The following SRBD1 variants were observed in gnomAD, a reference collection of about 807,000 sequenced individuals.
The protein encoded by SRBD1 is S1 RNA-binding domain-containing protein 1.
In SRBD1, 88 loss-of-function variants were observed where a neutral mutation model predicts 115.3. The ratio of observed to expected loss-of-function variants is 0.76; its 90% CI spans 0.64 to 0.91. The LOEUF (loss-of-function observed/expected upper bound fraction) is 0.91. Ranked by LOEUF, SRBD1 falls within the 40% of genes least tolerant of loss-of-function variation. The probability of loss-of-function intolerance (pLI) is 0.00; values close to 1 mark genes in which losing one functional copy is unlikely to be tolerated. For synonymous variants in SRBD1, 509 were observed against 407.7 expected (o/e 1.25, Z -2.99); for missense variants, 1,385 against 1,177.4 (o/e 1.18, Z -2.58).
At chr2:45,556,746 A>G (rs1160402833) in intron 10 of SRBD1, among the ~76,000 whole-genome samples, 1 of 152,080 alleles carries the variant, frequency 6.6e-6, no homozygotes, top group Non-Finnish European at 1.5e-5. Flanking sequence ...TATAGGCGTG[A>G]CCCACCATGT....
At chr2:45,465,038 C>CAT (rs1328040978) in intron 16 of SRBD1, among the ~76,000 whole-genome samples, 1 of 135,084 alleles carries the variant, frequency 7.4e-6, no homozygotes, top group Admixed American at 7.5e-5. Flanking sequence ...CACACACACA[C>CAT]ACACACACAC....
chr2:45,510,101 A>T (rs1670921619), intron 14 of SRBD1, among the ~76,000 whole-genome samples: 1 of 152,224 alleles, frequency 6.6e-6, no homozygotes, highest in Non-Finnish European at 1.5e-5. Context: ...AAATACTTGG[A>T]GAAACACAGA....
chr2:45,407,917 C>A (rs1006422732), intron 19 of SRBD1, among the ~76,000 whole-genome samples: 1 of 151,982 alleles, frequency 6.6e-6, no homozygotes, highest in Non-Finnish European at 1.5e-5. Context: ...AGTTGACTTT[C>A]TTTAAACCAC....
At chr2:45,411,917 C>G (rs539070860) in intron 19 of SRBD1, among the ~76,000 whole-genome samples, 61 of 152,176 alleles carry the variant, frequency 4.0e-4, no homozygotes, top group African/African-American at 1.3e-3. Flanking sequence ...TTGAAACCAG[C>G]CTGGACAATA....
intron 9 of SRBD1, among the ~76,000 whole-genome samples, chr2:45,563,037 T>C (rs1672722643): frequency 6.6e-6 from 1 of 152,216 alleles, no homozygotes; most frequent in African/African-American, 2.4e-5. Context: ...TTCTACTAAT[T>C]GAAAATTTTT....
chr2:45,412,969 A>C (rs1667647149), intron 19 of SRBD1, 145 bp downstream of exon 19: 2 of 858,820 alleles, frequency 2.3e-6, no homozygotes, highest in Non-Finnish European at 3.5e-6. Context: ...AATGTGCCAC[A>C]TAACTCAGCA....
chr2:45,530,702 T>C (rs1671584465), intron 14 of SRBD1, among the ~76,000 whole-genome samples: 1 of 152,014 alleles, frequency 6.6e-6, no homozygotes, highest in Admixed American at 6.6e-5. Flanking sequence ...TCCAACCTTT[T>C]TTCTACTACC....
At chr2:45,417,977 C>A (rs1403130438) in intron 18 of SRBD1, among the ~76,000 whole-genome samples, 2 of 152,174 alleles carry the variant, frequency 1.3e-5, no homozygotes, top group Non-Finnish European at 2.9e-5. Context: ...TCTTTCTGAT[C>A]CTTGGATGGC....
chr2:45,393,013 G>T lies in SRBD1; in HGVS notation c.2630C>A (p.Thr877Lys). Residue 877 changes from threonine (T) to lysine (K), a missense_variant, in exon 20 of 21, where the codon ACA (threonine) becomes AAA (lysine). Physicochemically the swap from Thr to Lys is moderately conservative, Grantham distance 78 (BLOSUM62 -1). Transcript: ENST00000263736. Reference sequence around the variant, plus strand: ...GATGACCTGTAAGGTGTGTACTGTTGTTTGCAATCTTTCTGCAATTTTCTC... The same window carrying T: ...GATGACCTGTAAGGTGTGTACTGTTTTTTGCAATCTTTCTGCAATTTTCTC... ...GMEKIAERLQ[T>K]TVHTLQVIID... 1 of 1,614,014 alleles carries T rather than the reference G, an allele frequency of 6.2e-7. No individual in the cohort carries two copies. Among genetic ancestry groups the T allele is most frequent in the Non-Finnish European group, 8.5e-7 (1 of 1,179,932 alleles).
Position 45,585,723 on chromosome 2 carries a change from G to T in SRBD1, c.700C>A (p.Arg234Ser). The T allele has an allele frequency of 6.2e-7, 1 of 1,611,224 alleles. No individual in the cohort carries two copies. ...IEPWVCANIIRLFNDDNTIPF... is the reference protein window; with the variant it reads ...IEPWVCANIISLFNDDNTIPF... ...ATTGTGTTATCATCATTAAAGAGAC[G>T]AATGATGTTGGCACAAACCCAAGGT... The change falls in exon 5 of 21, where the codon CGT becomes AGT. Residue 234 changes from arginine to serine, a missense_variant. Arg to Ser is a moderately radical substitution (Grantham distance 110, BLOSUM62 -1). Transcript: ENST00000263736.
chr2:45,430,800 T>C (rs1466710773), intron 16 of SRBD1, among the ~76,000 whole-genome samples: 1 of 152,156 alleles, frequency 6.6e-6, no homozygotes, highest in East Asian at 1.9e-4. Context: ...AAATGGGATC[T>C]AACTAAACTA....
intron 5 of SRBD1, among the ~76,000 whole-genome samples, chr2:45,582,310 G>A (rs565847129): frequency 7.2e-5 from 11 of 152,214 alleles, no homozygotes; most frequent in African/African-American, 1.7e-4. Context: ...ATTAAATACC[G>A]ATGGAGCATC....
intron 14 of SRBD1, among the ~76,000 whole-genome samples, chr2:45,543,064 A>G (rs1320784870): frequency 6.6e-6 from 1 of 152,272 alleles, no homozygotes; most frequent in East Asian, 1.9e-4. Context: ...AAACCATTCT[A>G]GCATATACTT....
chr2:45,511,433 C>T (rs1441666006), intron 14 of SRBD1, among the ~76,000 whole-genome samples: 4 of 152,108 alleles, frequency 2.6e-5, no homozygotes, highest in African/African-American at 9.7e-5. Flanking sequence ...TGTTCATCTA[C>T]CAGAAAGAGC....
chr2:45,581,530 A>AAC (rs3064247), intron 6 of SRBD1, among the ~76,000 whole-genome samples, 163 bp downstream of exon 6: 1 of 152,174 alleles, frequency 6.6e-6, no homozygotes, highest in African/African-American at 2.4e-5. Context: ...CACAAAAAAA[A>AAC]CACTCTATAA....
chr2:45,559,342 C>G (rs1349717603), intron 10 of SRBD1, among the ~76,000 whole-genome samples: 3 of 152,218 alleles, frequency 2.0e-5, no homozygotes, highest in South Asian at 4.1e-4. Flanking sequence ...GTGTCAACAT[C>G]TCAATCTTCA....
At chr2:45,445,690 C>T (rs761751274) in intron 16 of SRBD1, among the ~76,000 whole-genome samples, 1 of 151,798 alleles carries the variant, frequency 6.6e-6, no homozygotes, top group South Asian at 2.1e-4. Flanking sequence ...TTAAACCATG[C>T]CAGAGTCCAT....
chr2:45,517,479 C>T (rs1558448707), intron 14 of SRBD1, among the ~76,000 whole-genome samples: 1 of 152,144 alleles, frequency 6.6e-6, no homozygotes, highest in African/African-American at 2.4e-5. Context: ...TAGGTGAAAG[C>T]AATTTCACGG....
intron 10 of SRBD1, among the ~76,000 whole-genome samples, chr2:45,560,953 A>T (rs1672642694): frequency 6.6e-6 from 1 of 151,874 alleles, no homozygotes; most frequent in South Asian, 2.1e-4. Flanking sequence ...AATAAAAAAA[A>T]AAAAAAAAGT....
Sources: allele counts gnomAD v4.1 joint callset (sites outside exome capture counted in the v4.1 genomes callset), GRCh38; gene constraint gnomAD v4.1.1; transcripts MANE v1.5; gene names NCBI Gene and HGNC (gene_info 2026-07-23, HGNC 2026-07-21).